SGCZ: variants seen among roughly 807,000 people sequenced by gnomAD.
SGCZ encodes the protein sarcoglycan zeta.
In SGCZ, 40 loss-of-function variants were observed where a neutral mutation model predicts 41.3. The ratio of observed to expected loss-of-function variants is 0.97; its 90% confidence interval spans 0.75 to 1.26. The LOEUF (loss-of-function observed/expected upper bound fraction) is 1.26. Among genes scored for constraint, SGCZ ranks in the 50% most tolerant of loss-of-function variants. The pLI is 0.00. For synonymous variants in SGCZ, 206 were observed against 137.5 expected, an observed-to-expected ratio of 1.50 and a Z score of -3.49; for missense variants, 552 against 369.8, an observed-to-expected ratio of 1.49 and a Z score of -4.04.
intron 2 of SGCZ, among the ~76,000 whole-genome samples, chr8:14,548,313 G>A (rs1381407): frequency 0.085 from 12,869 of 152,118 alleles, 674 homozygotes; most frequent in East Asian, 0.18. Flanking sequence ...GCAACATGAC[G>A]AATTCTTGCA....
At chr8:14,340,282 G>C (rs1259785135) in intron 2 of SGCZ, among the ~76,000 whole-genome samples, 2 of 152,020 alleles carry the variant, frequency 1.3e-5, no homozygotes, top group Non-Finnish European at 2.9e-5. Flanking sequence ...CAGTATCCAA[G>C]GAAAATATGA....
At chr8:14,478,721 T>C (rs1801434620) in intron 2 of SGCZ, among the ~76,000 whole-genome samples, 2 of 152,190 alleles carry the variant, frequency 1.3e-5, no homozygotes, top group South Asian at 4.1e-4. Flanking sequence ...CTCGTGTCTT[T>C]ATATTTCCCC....
chr8:14,668,872 T>G (rs1808002526), intron 1 of SGCZ, among the ~76,000 whole-genome samples: 1 of 152,140 alleles, frequency 6.6e-6, no homozygotes, highest in Non-Finnish European at 1.5e-5. Flanking sequence ...GTGAAATAAA[T>G]CACTACAATA....
At chr8:15,190,542 C>A (rs1247819879) in intron 1 of SGCZ, among the ~76,000 whole-genome samples, 2 of 151,884 alleles carry the variant, frequency 1.3e-5, no homozygotes, top group Non-Finnish European at 2.9e-5. Context: ...AAAGAGTGGC[C>A]CAGAGACTTG....
At chr8:14,394,154 T>TA in intron 2 of SGCZ, among the ~76,000 whole-genome samples, 1 of 96,510 alleles carries the variant, frequency 1.0e-5, no homozygotes, top group East Asian at 2.3e-4. Context: ...TTTTTTTTTT[T>TA]TTTTTTTTTT....
intron 2 of SGCZ, among the ~76,000 whole-genome samples, chr8:14,473,969 A>G (rs954438583): frequency 6.6e-6 from 1 of 151,954 alleles, no homozygotes; most frequent in Non-Finnish European, 1.5e-5. Context: ...ATGAAAAATA[A>G]TATCTTTAAG....
intron 1 of SGCZ, among the ~76,000 whole-genome samples, chr8:15,180,077 T>C (rs1225342258): frequency 6.6e-6 from 1 of 152,188 alleles, no homozygotes; most frequent in Non-Finnish European, 1.5e-5. Flanking sequence ...TTTTCTAGAT[T>C]CCTCTTATCG....
intron 2 of SGCZ, among the ~76,000 whole-genome samples, chr8:14,397,566 T>C (rs1382287789): frequency 6.6e-6 from 1 of 152,164 alleles, no homozygotes; most frequent in Non-Finnish European, 1.5e-5. Context: ...TTATTGCATA[T>C]AATACATGGT....
At chr8:15,152,995 G>C (rs1234847918) in intron 1 of SGCZ, among the ~76,000 whole-genome samples, 1 of 152,102 alleles carries the variant, frequency 6.6e-6, no homozygotes, top group Non-Finnish European at 1.5e-5. Flanking sequence ...AGAAATCAGA[G>C]GTTATTATGA....
intron 2 of SGCZ, among the ~76,000 whole-genome samples, chr8:14,498,641 G>A (rs891494573): frequency 4.0e-4 from 61 of 151,624 alleles, no homozygotes; most frequent in African/African-American, 1.4e-3. Flanking sequence ...CTACATTCAT[G>A]AGCTATTATT....
intron 1 of SGCZ, among the ~76,000 whole-genome samples, chr8:14,726,015 T>G (rs905293560): frequency 1.3e-5 from 2 of 151,990 alleles, no homozygotes; most frequent in South Asian, 2.1e-4. Flanking sequence ...TCCCAGCACT[T>G]TGGGAGACCA....
intron 6 of SGCZ, among the ~76,000 whole-genome samples, chr8:14,107,892 C>T (rs1486050860): frequency 3.3e-5 from 5 of 152,164 alleles, no homozygotes; most frequent in African/African-American, 1.2e-4. Flanking sequence ...ATCCTCCTAC[C>T]TTGGCCTCCC....
intron 1 of SGCZ, among the ~76,000 whole-genome samples, chr8:15,077,337 T>C (rs1330930591): frequency 6.6e-6 from 1 of 152,240 alleles, no homozygotes; most frequent in African/African-American, 2.4e-5. Context: ...GTGCATTTCA[T>C]GTATTTACAG....
intron 3 of SGCZ, among the ~76,000 whole-genome samples, chr8:14,281,334 C>T (rs904024254): frequency 6.6e-6 from 1 of 151,932 alleles, no homozygotes; most frequent in Non-Finnish European, 1.5e-5. Flanking sequence ...TTTATACATA[C>T]TTAAAAAATA....
At chr8:14,527,571 A>G (rs1802992549) in intron 2 of SGCZ, among the ~76,000 whole-genome samples, 1 of 152,148 alleles carries the variant, frequency 6.6e-6, no homozygotes, top group Non-Finnish European at 1.5e-5. Flanking sequence ...AATAGCCCTT[A>G]AAAATGCCAC....
intron 1 of SGCZ, among the ~76,000 whole-genome samples, chr8:15,166,233 T>C (rs1230222064): frequency 1.1e-5 from 1 of 93,078 alleles, no homozygotes; most frequent in Non-Finnish European, 2.4e-5. Flanking sequence ...TGCTCAATCC[T>C]TTTTTTTTTC....
chr8:14,677,964 C>T (rs540380907), intron 1 of SGCZ, among the ~76,000 whole-genome samples: 4 of 151,990 alleles, frequency 2.6e-5, no homozygotes, highest in Non-Finnish European at 2.9e-5. Flanking sequence ...ACAAACAGAG[C>T]AATATAACAG....
At chr8:15,178,082 C>A (rs1165348464) in intron 1 of SGCZ, among the ~76,000 whole-genome samples, 1 of 152,188 alleles carries the variant, frequency 6.6e-6, no homozygotes, top group East Asian at 1.9e-4. Flanking sequence ...AATTCCCTGC[C>A]ATTTCCCCAG....
At chr8:14,358,665 G>A (rs1471075455) in intron 2 of SGCZ, among the ~76,000 whole-genome samples, 10 of 152,168 alleles carry the variant, frequency 6.6e-5, no homozygotes, top group Admixed American at 5.9e-4. Flanking sequence ...AGGCTGGAGT[G>A]CAGTGGTGTG....
Sources: gnomAD v4.1 joint callset for allele counts (sites outside exome capture counted in the v4.1 genomes callset) on GRCh38, gnomAD v4.1.1 for gene constraint, MANE v1.5 for transcripts, NCBI Gene and HGNC (gene_info 2026-07-23, HGNC 2026-07-21) for gene names.